MAP4K3: variants seen among roughly 807,000 people sequenced by gnomAD.
The protein encoded by MAP4K3 is MAPK/ERK kinase kinase kinase 3.
A neutral mutation model predicts 143.5 loss-of-function variants in MAP4K3; 94 were observed. That is an observed-to-expected ratio of 0.65 (90% CI 0.55 to 0.78). The LOEUF is 0.78. Among genes scored for constraint, MAP4K3 ranks in the 30% least tolerant of loss-of-function variants. MAP4K3 has a pLI of 0.00. For synonymous variants in MAP4K3, 416 were observed against 347.2 expected (o/e 1.20, Z -2.20); for missense variants, 1,077 against 1,068.1 (o/e 1.01, Z -0.12).
chr2:39,275,943 G>A (rs912832582), intron 24 of MAP4K3, among the ~76,000 whole-genome samples: 1 of 152,060 alleles, frequency 6.6e-6, no homozygotes, highest in African/African-American at 2.4e-5. Flanking sequence ...CGTGATCTCG[G>A]CTCACTGCAA....
intron 1 of MAP4K3, among the ~76,000 whole-genome samples, chr2:39,400,755 A>C (rs947501745): frequency 2.0e-5 from 3 of 152,172 alleles, no homozygotes; most frequent in Admixed American, 2.0e-4. Flanking sequence ...TTTCACTGTA[A>C]TTTCCTCTTT....
intron 1 of MAP4K3, among the ~76,000 whole-genome samples, chr2:39,420,452 T>C (rs1251631950): frequency 2.0e-5 from 3 of 152,198 alleles, no homozygotes; most frequent in African/African-American, 7.2e-5. Context: ...AGTCTCACTG[T>C]GTTGCCTAGG....
Position 39,337,752 on chromosome 2 carries a change from G to GTTTTTTTTTTTTTTTTT in MAP4K3, c.311-188_311-172dup, listed in dbSNP as rs570853243. Among the ~76,000 whole-genome samples the GTTTTTTTTTTTTTTTTT allele has an allele frequency of 5.7e-5, 4 of 70,518 alleles. 1 individual carries two copies. Among genetic ancestry groups the GTTTTTTTTTTTTTTTTT allele is most frequent in the Admixed American group, 2.5e-4 (1 of 3,992 alleles). 46.3% of individuals were successfully genotyped at this position (70,518 alleles called of 152,430 possible). ...TACTGTCCTACTGTGCCTGGCTCCA[G>GTTTTTTTTTTTTTTTTT]TTTTTTTTTTTTTTTTTTTTTTTTT... is the stretch of plus-strand genomic sequence containing the variant. On this transcript the variant is annotated intron_variant, in intron 4 of 33. Coordinates refer to ENST00000263881, the MANE Select transcript of MAP4K3 (RefSeq NM_003618.4).
intron 1 of MAP4K3, among the ~76,000 whole-genome samples, chr2:39,386,528 T>C (rs372729034): frequency 5.5e-4 from 84 of 152,322 alleles, no homozygotes; most frequent in African/African-American, 1.8e-3. Context: ...CTAAAAGTTT[T>C]ATGTTTTTAC....
chr2:39,406,913 A>T (rs1667112497), intron 1 of MAP4K3, among the ~76,000 whole-genome samples: 5 of 152,230 alleles, frequency 3.3e-5, no homozygotes, highest in Admixed American at 3.3e-4. Context: ...GGCTAGCATT[A>T]TTCTGATAAC....
At chr2:39,266,551 T>C (rs1412928038) in intron 27 of MAP4K3, among the ~76,000 whole-genome samples, 6 of 150,866 alleles carry the variant, frequency 4.0e-5, no homozygotes, top group African/African-American at 1.5e-4. Flanking sequence ...TGACTCTCCA[T>C]CTATTCAGTT....
intron 1 of MAP4K3, 66 bp from the exon 2 acceptor site, chr2:39,378,189 CTTT>C (rs1260152784): frequency 5.0e-6 from 4 of 798,932 alleles, no homozygotes; most frequent in Non-Finnish European, 6.1e-6. Flanking sequence ...TAAAATTTCA[CTTT>C]AGCTTACTGT....
In MAP4K3 at chr2:39,381,532, A is replaced by T. The variant is rs1302268554; in HGVS notation, c.97-3409T>A. On this transcript the variant is annotated intron_variant, in intron 1 of 33. Coordinates refer to ENST00000263881, the MANE Select transcript of MAP4K3 (RefSeq NM_003618.4). The stretch of plus-strand genomic sequence containing the variant: ...TTGTTTCTTGTGTTTTTAGTGTTGC[A>T]GCTAAGAAACCATTTGCCTAACCCA... 2.6e-5 allele frequency among the ~76,000 whole-genome samples: 4 copies of T among 152,268 alleles called. No individual in the cohort carries two copies. The South Asian group carries it at 8.3e-4, about 32-fold the overall frequency.
intron 14 of MAP4K3, 62 bp from the exon 15 acceptor site, chr2:39,308,067 C>G (rs774301888): frequency 5.2e-6 from 6 of 1,157,320 alleles, no homozygotes; most frequent in Middle Eastern, 2.0e-4. Context: ...CACAAATTCA[C>G]AAAGGGAAAC....
At chr2:39,286,768 G>C in intron 21 of MAP4K3, 84 bp downstream of exon 21, 1 of 616,344 alleles carries the variant, frequency 1.6e-6, no homozygotes, top group South Asian at 3.1e-5. Flanking sequence ...TAGTGCTATA[G>C]TGTCACTAAT....
At chr2:39,402,205 T>C (rs948543602) in intron 1 of MAP4K3, among the ~76,000 whole-genome samples, 1 of 152,146 alleles carries the variant, frequency 6.6e-6, no homozygotes, top group Non-Finnish European at 1.5e-5. Context: ...CCAGAAAAGA[T>C]TAGTGAACTT....
At chr2:39,286,143 G>C (rs1681767182) in intron 21 of MAP4K3, among the ~76,000 whole-genome samples, 2 of 152,210 alleles carry the variant, frequency 1.3e-5, no homozygotes, top group Non-Finnish European at 2.9e-5. Context: ...GGGTTGAAGG[G>C]GAGGGATGTT....
intron 1 of MAP4K3, among the ~76,000 whole-genome samples, chr2:39,419,600 AAC>A (rs1228216142): frequency 1.3e-5 from 2 of 152,214 alleles, no homozygotes; most frequent in African/African-American, 4.8e-5. Flanking sequence ...ACCTCATGTG[AAC>A]ACAGTTTACT....
intron 8 of MAP4K3, among the ~76,000 whole-genome samples, chr2:39,329,960 G>C (rs1054220754): frequency 6.6e-6 from 1 of 152,088 alleles, no homozygotes; most frequent in African/African-American, 2.4e-5. Flanking sequence ...GTAGAGAGTT[G>C]AGGAACTCTT....
chr2:39,423,011 T>C (rs1246995908), intron 1 of MAP4K3, among the ~76,000 whole-genome samples: 1 of 151,998 alleles, frequency 6.6e-6, no homozygotes. Context: ...TGGGAAAAAA[T>C]ACTGCATAAC....
chr2:39,350,351 C>T (rs1030566601), intron 3 of MAP4K3, among the ~76,000 whole-genome samples: 1 of 152,052 alleles, frequency 6.6e-6, no homozygotes, highest in African/African-American at 2.4e-5. Context: ...GAAAAGTGTG[C>T]CATGGCTGCG....
At chr2:39,349,101 T>C (rs867165312) in intron 3 of MAP4K3, among the ~76,000 whole-genome samples, 1 of 152,202 alleles carries the variant, frequency 6.6e-6, no homozygotes, top group Admixed American at 6.5e-5. Context: ...CTGATTCCTG[T>C]ACTGTACTGT....
intron 6 of MAP4K3, among the ~76,000 whole-genome samples, chr2:39,334,269 A>ATT (rs1350027691): frequency 6.6e-6 from 1 of 152,148 alleles, no homozygotes; most frequent in Non-Finnish European, 1.5e-5. Context: ...ATAAGCTCAA[A>ATT]GCTTTTGGAA....
At chr2:39,316,627 T>C (rs1032753033) in intron 12 of MAP4K3, among the ~76,000 whole-genome samples, 1 of 152,150 alleles carries the variant, frequency 6.6e-6, no homozygotes, top group Non-Finnish European at 1.5e-5. Flanking sequence ...GGCCAGGGAA[T>C]GAAAGATGCC....
Sources: allele counts gnomAD v4.1 joint callset (sites outside exome capture counted in the v4.1 genomes callset), GRCh38; gene constraint gnomAD v4.1.1; transcripts MANE v1.5; gene names NCBI Gene and HGNC (gene_info 2026-07-23, HGNC 2026-07-21).